The following PFKFB1 variants were observed in gnomAD, a reference collection of about 807,000 sequenced individuals.
The protein encoded by PFKFB1 is 6-phosphofructo-2-kinase/fructose-2,6-biphosphatase 1, also known as 6-phosphofructo-2-kinase/fructose-2,6-bisphosphatase 1.
A neutral mutation model predicts 46.4 loss-of-function variants in PFKFB1; 34 were observed. That is an observed-to-expected ratio of 0.73 (90% CI 0.56 to 0.98). PFKFB1 has a LOEUF of 0.98. Among genes scored for constraint, PFKFB1 ranks in the 50% least tolerant of loss-of-function variants. PFKFB1 has a pLI of 0.00. For synonymous variants in PFKFB1, 119 were observed against 133.8 expected (o/e 0.89, Z 0.76); for missense variants, 393 against 376.3 (o/e 1.04, Z -0.37).
At chrX:54,968,307 T>C (rs1205941557) in intron 1 of PFKFB1, among the ~76,000 whole-genome samples, 3 of 64,435 alleles carry the variant, frequency 4.7e-5, no homozygotes, top group African/African-American at 1.9e-4. Flanking sequence ...AACATCACAC[T>C]CTGGGGCCTG....
intron 1 of PFKFB1, among the ~76,000 whole-genome samples, chrX:54,973,635 T>A (rs1236834058): frequency 9.0e-6 from 1 of 111,588 alleles, no homozygotes; most frequent in East Asian, 2.8e-4. Flanking sequence ...TCAGTTTCCA[T>A]GTAGGTGAGC....
rs775596246 is a variant in PFKFB1, at chrX:54,936,967, G to GT, written c.1228+627dup. On this transcript the variant is annotated intron_variant, in intron 11 of 13. Coordinates refer to ENST00000375006, the MANE Select transcript of PFKFB1 (RefSeq NM_002625.4). The stretch of plus-strand genomic sequence containing the variant: ...TCTCATGCCTGAAAGTGATATAACA[G>GT]TTTTTTTTTTTTTGCCAGGCCAGCT... Among the ~76,000 whole-genome samples, 736 of 102,320 alleles carry GT rather than the reference G, an allele frequency of 7.2e-3. 4 individuals carry two copies. The highest frequency in any genetic ancestry group is 0.012 in the African/African-American group (352 of 28,522). The allele number at this position is 102,320 out of a possible 115,157, so 88.9% of individuals were successfully genotyped here. A position where few individuals can be genotyped will look rare whatever the true frequency, so the allele number is the denominator to read the frequency against.
At chrX:54,942,158 C>T (rs1602178757) in intron 10 of PFKFB1, among the ~76,000 whole-genome samples, 1 of 111,347 alleles carries the variant, frequency 9.0e-6, no homozygotes, top group African/African-American at 3.3e-5. Flanking sequence ...AAACCAAACA[C>T]CACATATTCT....
intron 10 of PFKFB1, among the ~76,000 whole-genome samples, chrX:54,944,313 G>A (rs190890208): frequency 1.1e-3 from 125 of 110,585 alleles, no homozygotes; most frequent in African/African-American, 4.0e-3. Flanking sequence ...TCCTAAAGAG[G>A]GCAGGAAAAG....
At chrX:54,997,851 T>A (rs756633380), upstream of PFKFB1, among the ~76,000 whole-genome samples, 79 of 112,247 alleles carry the variant, frequency 7.0e-4, no homozygotes, top group African/African-American at 2.3e-3. Context: ...TGGAGGGTTT[T>A]GGGTGGGATT....
chrX:54,949,111 G>A lies in PFKFB1; in HGVS notation c.957C>T (p.Pro319=), dbSNP rs1569546757. The part of the protein sequence containing the change: ...TIQTAEALGV[P]YEQWKALNEI... ...CATTCAGGGCCTTCCACTGCTCATA[G>A]GGGACACCCAGGGCCTCAGCTGTCT... The change falls in exon 9 of 14, where the codon CCC becomes CCT. Residue 319 remains proline (P), a synonymous_variant. Coordinates refer to ENST00000375006, the MANE Select transcript of PFKFB1 (RefSeq NM_002625.4). 8.3e-7 allele frequency: 1 copy of A among 1,211,394 alleles called. No individual in the cohort carries two copies. The highest frequency in any genetic ancestry group is 2.2e-5 in the Admixed American group (1 of 46,052).
chrX:54,997,557 A>C (rs1260527183), upstream of PFKFB1, among the ~76,000 whole-genome samples: 3 of 112,025 alleles, frequency 2.7e-5, no homozygotes, highest in Non-Finnish European at 5.6e-5. Context: ...ATGGATAATA[A>C]AGTCACGAAT....
At chrX:54,934,839 A>G in intron 12 of PFKFB1, 108 bp downstream of exon 12, 1 of 558,031 alleles carries the variant, frequency 1.8e-6, no homozygotes, top group Non-Finnish European at 3.1e-6. Context: ...CCTGCAGGAC[A>G]CCCACCCAGG....
At chrX:54,945,713 T>C (rs1299201755) in intron 9 of PFKFB1, among the ~76,000 whole-genome samples, 170 bp from the exon 10 acceptor site, 1 of 105,127 alleles carries the variant, frequency 9.5e-6, no homozygotes, top group African/African-American at 3.8e-5. Flanking sequence ...TGTGTGTGTG[T>C]GTGTGTGCGT....
chrX:54,935,981 GGT>G (rs1183848094), intron 11 of PFKFB1, among the ~76,000 whole-genome samples: 1 of 111,473 alleles, frequency 9.0e-6, no homozygotes, highest in Admixed American at 9.5e-5. Flanking sequence ...TGAGACATTA[GGT>G]TGGCTTTTTT....
intron 1 of PFKFB1, among the ~76,000 whole-genome samples, chrX:54,981,994 A>C (rs766684846): frequency 9.0e-6 from 1 of 111,623 alleles, no homozygotes; most frequent in Admixed American, 9.5e-5. Flanking sequence ...ACTACTACAA[A>C]CAACTTTACA....
chrX:54,987,055 C>A lies in PFKFB1; in HGVS notation c.97+6856G>T, dbSNP rs1055793487. On this transcript the variant is annotated intron_variant, in intron 1 of 13. Transcript: ENST00000375006. ...CTTGACAAACCTTTAGTGAGACTGA[C>A]CAAGAAAAAAAAGAGAAAACTCAAA... Among the ~76,000 whole-genome samples, 3 of 108,307 alleles carry A rather than the reference C, an allele frequency of 2.8e-5. No individual in the cohort carries two copies. In the Admixed American group the frequency reaches 3.0e-4, roughly 11 times the overall value. The allele number at this position is 108,307 out of a possible 115,157, so 94.1% of individuals were successfully genotyped here.
rs997795974 is a variant in PFKFB1 at position 54,933,139 on chromosome X, G to T, written c.*264C>A. On this transcript the variant is annotated 3_prime_UTR_variant, in exon 14 of 14. Coordinates refer to ENST00000375006, the MANE Select transcript of PFKFB1 (RefSeq NM_002625.4). ...CCTTGAGAACAACTGGAAAAGCCTCGCCATGACCTCCTCCTCTCCTCTTGT... is the reference window on the plus strand; with the variant it reads ...CCTTGAGAACAACTGGAAAAGCCTCTCCATGACCTCCTCCTCTCCTCTTGT... 1 of 373,112 alleles carries T rather than the reference G, an allele frequency of 2.7e-6. No homozygotes were observed. Among genetic ancestry groups the T allele is most frequent in the Non-Finnish European group, 4.7e-6 (1 of 213,395 alleles). 30.7% of individuals were successfully genotyped at this position (373,112 alleles called of 1,213,427 possible). A position where few individuals can be genotyped will look rare whatever the true frequency, so the allele number is the denominator to read the frequency against.
chrX:54,976,605 C>A (rs1238562717), intron 1 of PFKFB1, among the ~76,000 whole-genome samples: 2 of 111,509 alleles, frequency 1.8e-5, no homozygotes, highest in Non-Finnish European at 3.8e-5. Flanking sequence ...ATTTAACATA[C>A]ACTTGACATA....
At position 54,937,630 on chromosome X, in the gene PFKFB1, C is replaced by T. The variant is rs150980930; in HGVS notation, c.1193G>A (p.Arg398Gln). Reference sequence around the variant, plus strand: ...ATCCAGGAAATAGGCCAGGAGGCACCGCATGACAGCCTGGTGGCAGATCAC... The same window carrying T: ...ATCCAGGAAATAGGCCAGGAGGCACTGCATGACAGCCTGGTGGCAGATCAC... ...VLVICHQAVMRCLLAYFLDKS... is the reference protein window; with the variant it reads ...VLVICHQAVMQCLLAYFLDKS... The change falls in exon 11 of 14, where the codon CGG becomes CAG. Residue 398 changes from arginine (R) to glutamine (Q), a missense_variant. Arg to Gln is a conservative substitution (Grantham distance 43, BLOSUM62 1). Coordinates refer to ENST00000375006, the MANE Select transcript of PFKFB1 (RefSeq NM_002625.4). The T allele has an allele frequency of 6.6e-4, 791 of 1,207,204 alleles. 1 individual carries two copies. Among genetic ancestry groups the T allele is most frequent in the Non-Finnish European group, 6.6e-4 (590 of 892,555 alleles).
At chrX:54,966,171 G>A (rs1465400899) in intron 1 of PFKFB1, among the ~76,000 whole-genome samples, 2 of 111,641 alleles carry the variant, frequency 1.8e-5, no homozygotes, top group African/African-American at 3.2e-5. Context: ...TTAAAAAGTA[G>A]GATCCAACTA....
Position 54,942,692 on chromosome X carries a change from A to T in PFKFB1, c.1098+2747T>A, listed in dbSNP as rs150494285. 8.1e-3 allele frequency among the ~76,000 whole-genome samples: 902 copies of T among 111,783 alleles called. 7 individuals carry two copies. Among genetic ancestry groups the T allele is most frequent in the Admixed American group, 0.015 (155 of 10,464 alleles). On this transcript the variant is annotated intron_variant, in intron 10 of 13. Coordinates refer to ENST00000375006, the MANE Select transcript of PFKFB1 (RefSeq NM_002625.4). Reference sequence around the variant, plus strand: ...CAGAAACAAGAAGAGAACCCTAAAAACTTAAGATAAGGGATGCCACAATAT... The same window carrying T: ...CAGAAACAAGAAGAGAACCCTAAAATCTTAAGATAAGGGATGCCACAATAT...
chrX:54,995,159 A>G (rs1242046494), upstream of PFKFB1, among the ~76,000 whole-genome samples: 3 of 111,462 alleles, frequency 2.7e-5, no homozygotes, highest in African/African-American at 9.8e-5. Flanking sequence ...TGAGGCTTTT[A>G]TGTGTATAAC....
At chrX:54,939,195 C>A (rs1354549212) in intron 10 of PFKFB1, among the ~76,000 whole-genome samples, 1 of 111,297 alleles carries the variant, frequency 9.0e-6, no homozygotes, top group Non-Finnish European at 1.9e-5. Context: ...TTGAAACCAA[C>A]GAGAACAAAG....
Sources: gnomAD v4.1 joint callset for allele counts (sites outside exome capture counted in the v4.1 genomes callset) on GRCh38, gnomAD v4.1.1 for gene constraint, MANE v1.5 for transcripts, NCBI Gene and HGNC (gene_info 2026-07-23, HGNC 2026-07-21) for gene names.